Variants in SGSM1 observed in about 807,000 individuals in gnomAD.
The protein encoded by SGSM1 is RUN and TBC1 domain containing 2.
In SGSM1, 73 loss-of-function variants were observed where a neutral mutation model predicts 133.8. That is an observed-to-expected ratio of 0.55 (90% CI 0.45 to 0.66). The LOEUF (loss-of-function observed/expected upper bound fraction) is 0.66. SGSM1 is among the 30% of genes least tolerant of loss of function. The pLI, the probability that SGSM1 is intolerant of heterozygous loss-of-function variation, is 0.00. For missense variants in SGSM1, 1,213 were observed against 1,448.1 expected (o/e 0.84, Z 2.64); for synonymous variants, 563 against 573.0 (o/e 0.98, Z 0.25).
intron 24 of SGSM1, among the ~76,000 whole-genome samples, chr22:24,921,063 C>CT (rs1602001537): frequency 6.6e-6 from 1 of 150,996 alleles, no homozygotes; most frequent in African/African-American, 2.4e-5. Context: ...TTGTATATGC[C>CT]TTTTTTCACT....
chr22:24,882,885 G>A (rs1280766153), intron 14 of SGSM1, among the ~76,000 whole-genome samples: 3 of 149,048 alleles, frequency 2.0e-5, no homozygotes, highest in Admixed American at 1.3e-4. Context: ...TGTATACCAC[G>A]GTTTCTTTTT....
At chr22:24,906,530 G>A (rs1933386445) in intron 21 of SGSM1, among the ~76,000 whole-genome samples, 1 of 152,242 alleles carries the variant, frequency 6.6e-6, no homozygotes, top group African/African-American at 2.4e-5. Flanking sequence ...TATCAAGGTT[G>A]CAGGATATAA....
rs1569155563 is a variant in SGSM1, at chr22:24,868,416, G to C, written c.1035G>C (p.Gly345=). Residue 345 remains glycine (G), a synonymous_variant, in exon 11 of 25, where the codon GGG becomes GGC. Transcript: ENST00000400358. The stretch of plus-strand genomic sequence containing the variant: ...CAGTGGTATTGGTCAGCCAGGACGG[G>C]ATCCAGAGGCCGCCCTTCCGCTTCC... The part of the protein sequence containing the change: ...GGTVVLVSQD[G]IQRPPFRFPK... The C allele has an allele frequency of 6.2e-7, 1 of 1,613,812 alleles. No individual in the cohort carries two copies. The highest frequency in any genetic ancestry group is 8.5e-7 in the Non-Finnish European group (1 of 1,179,818).
rs1257068805 is a variant in SGSM1 at position 24,855,620 on chromosome 22, C to G, written c.741C>G (p.Ser247=). The change falls in exon 8 of 25, where the codon TCC becomes TCG. Residue 247 remains serine, a synonymous_variant. Transcript: ENST00000400358. ...TCTCTGCCCGCGACTACGTGGAGTC[C>G]CTGCATCAGAACTCCCGTGCCACCC... is the stretch of plus-strand genomic sequence containing the variant. ...PSLSARDYVE[S]LHQNSRATLL... 1 of 1,613,948 alleles carries G rather than the reference C, an allele frequency of 6.2e-7. No individual in the cohort carries two copies. Among genetic ancestry groups the G allele is most frequent in the Non-Finnish European group, 8.5e-7 (1 of 1,179,892 alleles).
chr22:24,847,201 G>A (rs1185244992), intron 3 of SGSM1, among the ~76,000 whole-genome samples: 1 of 152,020 alleles, frequency 6.6e-6, no homozygotes, highest in African/African-American at 2.4e-5. Flanking sequence ...TCAAAACAAA[G>A]TGTTTTCTAA....
intron 2 of SGSM1, among the ~76,000 whole-genome samples, chr22:24,806,866 T>C (rs1927428543): frequency 6.6e-6 from 1 of 151,912 alleles, no homozygotes; most frequent in Non-Finnish European, 1.5e-5. Context: ...CAGGGTGTGC[T>C]GGAGGAGGGG....
At chr22:24,853,769 A>ATTTTT (rs57736929) in intron 5 of SGSM1, among the ~76,000 whole-genome samples, 48 of 123,446 alleles carry the variant, frequency 3.9e-4, no homozygotes, top group African/African-American at 1.0e-3. Context: ...CGCCTGGTGA[A>ATTTTT]TTTTTTTTTT....
intron 12 of SGSM1, among the ~76,000 whole-genome samples, chr22:24,871,239 G>T (rs1277981096): frequency 6.6e-6 from 1 of 152,146 alleles, no homozygotes; most frequent in Non-Finnish European, 1.5e-5. Flanking sequence ...CTCTGCTTGA[G>T]AACCGTTGGT....
intron 2 of SGSM1, among the ~76,000 whole-genome samples, chr22:24,816,997 A>T (rs1928130141): frequency 6.6e-6 from 1 of 152,126 alleles, no homozygotes; most frequent in African/African-American, 2.4e-5. Flanking sequence ...GGATTGCTCC[A>T]CTTGGTCATG....
chr22:24,885,561 C>T (rs1932549458), intron 15 of SGSM1, among the ~76,000 whole-genome samples: 1 of 151,682 alleles, frequency 6.6e-6, no homozygotes, highest in Non-Finnish European at 1.5e-5. Flanking sequence ...GCTTCAGCCT[C>T]CCAAGTAGTT....
At chr22:24,920,827 G>A (rs2123751310) in intron 24 of SGSM1, among the ~76,000 whole-genome samples, 1 of 152,298 alleles carries the variant, frequency 6.6e-6, no homozygotes, top group African/African-American at 2.4e-5. Flanking sequence ...GATGTACAGA[G>A]AATGCACGAT....
chr22:24,920,147 G>A (rs566441733), intron 24 of SGSM1, among the ~76,000 whole-genome samples, 154 bp downstream of exon 24: 5 of 152,274 alleles, frequency 3.3e-5, no homozygotes, highest in African/African-American at 9.6e-5. Flanking sequence ...CCAAAAGGAC[G>A]AGTTCACATC....
chr22:24,864,778 T>C (rs1931355659), intron 9 of SGSM1, among the ~76,000 whole-genome samples: 1 of 152,238 alleles, frequency 6.6e-6, no homozygotes, highest in South Asian at 2.1e-4. Flanking sequence ...TCTGTACATT[T>C]ACTCATCAAA....
chr22:24,882,310 T>A (rs957278123), intron 14 of SGSM1, among the ~76,000 whole-genome samples: 6 of 152,108 alleles, frequency 3.9e-5, no homozygotes, highest in African/African-American at 1.4e-4. Flanking sequence ...GCTCAACAGA[T>A]CTGCCCACCT....
chr22:24,844,627 A>C (rs2147833494), intron 2 of SGSM1: 1 of 459,962 alleles, frequency 2.2e-6, no homozygotes, highest in Non-Finnish European at 3.9e-6. Flanking sequence ...TCAGGAAAGG[A>C]GATGACGTTT....
In SGSM1 at chr22:24,898,035, C is replaced by T. The variant is rs1569168876; in HGVS notation, c.2086C>T (p.Pro696Ser). ...TGAAGGCAGATTGGAGGAGAAACAG[C>T]CCAAGATCCCCAATGGGAACCTAGT... ...EAEGRLEEKQ[P>S]KIPNGNLVNG... is the part of the protein sequence containing the mutation. The change falls in exon 19 of 25, where the codon CCC (proline) becomes TCC (serine). Residue 696 changes from proline (P) to serine (S), a missense_variant. Transcript: ENST00000400358. 1.2e-6 allele frequency: 2 copies of T among 1,613,612 alleles called. No homozygotes were observed. Among genetic ancestry groups the T allele is most frequent in the South Asian group, 1.1e-5 (1 of 91,002 alleles).
rs192885098 is a variant in SGSM1 at position 24,880,919 on chromosome 22, G to A, written c.1495+1393G>A. ...TAAGATGGAAATAATGGGCAGGCGC[G>A]GTGGCTTGCGCCTATAATCCCAGCA... On this transcript the variant is annotated intron_variant, in intron 14 of 24. Transcript: ENST00000400358. 5.3e-5 allele frequency among the ~76,000 whole-genome samples: 8 copies of A among 152,330 alleles called. No individual in the cohort carries two copies. In the East Asian group the frequency reaches 5.8e-4, roughly 11 times the overall value.
chr22:24,911,276 G>A (rs1369051186), intron 21 of SGSM1, among the ~76,000 whole-genome samples: 2 of 142,672 alleles, frequency 1.4e-5, no homozygotes, highest in African/African-American at 2.6e-5. Flanking sequence ...TAAATGGGGA[G>A]CATAATTCCC....
chr22:24,824,617 C>G (rs1928695260), intron 2 of SGSM1, among the ~76,000 whole-genome samples: 1 of 150,788 alleles, frequency 6.6e-6, no homozygotes, highest in African/African-American at 2.4e-5. Context: ...TGTCCTTAAT[C>G]TGTTCCTTCC....
Sources: gnomAD v4.1 joint callset for allele counts (sites outside exome capture counted in the v4.1 genomes callset) on GRCh38, gnomAD v4.1.1 for gene constraint, MANE v1.5 for transcripts, NCBI Gene and HGNC (gene_info 2026-07-23, HGNC 2026-07-21) for gene names.